The following DPYSL5 variants were observed in gnomAD, a reference collection of about 807,000 sequenced individuals.
The protein encoded by DPYSL5 is dihydropyrimidinase-related protein 5.
DPYSL5 carries 9 observed loss-of-function variants against 58.4 expected under a neutral mutation model. That is an observed-to-expected ratio of 0.15 (90% CI 0.09 to 0.27). DPYSL5 has a LOEUF of 0.27. Among genes scored for constraint, DPYSL5 ranks in the 10% least tolerant of loss-of-function variants. DPYSL5 has a pLI of 1.00. For synonymous variants in DPYSL5, 293 were observed against 301.9 expected (o/e 0.97, Z 0.31); for missense variants, 499 against 770.6 (o/e 0.65, Z 4.17).
chr2:26,942,771 T>G lies in DPYSL5; in HGVS notation c.1440+21T>G. On this transcript the variant is annotated intron_variant, in intron 11 of 12. Transcript: ENST00000288699. This position sits in a 1 kb window ranked among gnomAD's most constrained non-coding sequence, Gnocchi z 5.9. ...AGAAGGTGAGGTGGGAGGAGGAAGA[T>G]GCAGGGGTGTTGGCGCCCCCTGCCG... is the stretch of plus-strand genomic sequence containing the variant. The G allele has an allele frequency of 6.2e-7, 1 of 1,607,912 alleles. No individual in the cohort carries two copies. The highest frequency in any genetic ancestry group is 8.5e-7 in the Non-Finnish European group (1 of 1,175,170).
chr2:26,940,280 G>A, intron 9 of DPYSL5, 108 bp downstream of exon 9: 2 of 1,348,748 alleles, frequency 1.5e-6, no homozygotes, highest in Admixed American at 2.3e-5. Context: ...GTCAAAGAAT[G>A]TTCTTAGAAG....
chr2:26,885,634 A>C lies in DPYSL5; in HGVS notation c.-4-12862A>C, dbSNP rs577123467. Reference sequence around the variant, plus strand: ...GGAAATATGTTTGTGGCTGTGGACAAGGACCCAGGGTGTCTCATGGTGGAT... The same window carrying C: ...GGAAATATGTTTGTGGCTGTGGACACGGACCCAGGGTGTCTCATGGTGGAT... On this transcript the variant is annotated intron_variant, in intron 1 of 12. Coordinates refer to ENST00000288699, the MANE Select transcript of DPYSL5 (RefSeq NM_020134.4). Among the ~76,000 whole-genome samples, 77 of 152,314 alleles carry C rather than the reference A, an allele frequency of 5.1e-4. 3 individuals carry two copies. The South Asian group carries it at 0.016, about 31-fold the overall frequency.
chr2:26,895,625 A>T (rs1572693545), intron 1 of DPYSL5, among the ~76,000 whole-genome samples: 1 of 152,252 alleles, frequency 6.6e-6, no homozygotes, highest in Admixed American at 6.5e-5. Context: ...ATACAATGTT[A>T]TTATTAACTA....
intron 1 of DPYSL5, among the ~76,000 whole-genome samples, chr2:26,882,720 G>T (rs930133029): frequency 6.6e-6 from 1 of 152,056 alleles, no homozygotes; most frequent in Non-Finnish European, 1.5e-5. Flanking sequence ...GGGCAACATG[G>T]TGAAACCCCA....
intron 5 of DPYSL5, among the ~76,000 whole-genome samples, chr2:26,931,203 G>GTGTATGTATATA (rs1474347605): frequency 2.2e-5 from 1 of 44,910 alleles, no homozygotes; most frequent in African/African-American, 8.1e-5. Context: ...GTGTGTGTGT[G>GTGTATGTATATA]TATATATATA....
Position 26,927,463 on chromosome 2 carries a change from G to A in DPYSL5, c.600+31G>A, listed in dbSNP as rs745939505. The A allele has an allele frequency of 1.1e-5, 18 of 1,609,010 alleles. No individual in the cohort carries two copies. Among genetic ancestry groups the A allele is most frequent in the Non-Finnish European group, 7.6e-6 (9 of 1,177,474 alleles). On this transcript the variant is annotated intron_variant, in intron 4 of 12. Coordinates refer to ENST00000288699, the MANE Select transcript of DPYSL5 (RefSeq NM_020134.4). This position sits in a 1 kb window ranked among gnomAD's most constrained non-coding sequence, Gnocchi z 4.3. ...TCTGCAGCCAAGAATATTGGATGGA[G>A]GGACACCAGTGGAGACAGTTAGTTC...
At position 26,892,203 on chromosome 2, in the gene DPYSL5, T is replaced by C. The variant is rs115010375; in HGVS notation, c.-4-6293T>C. 3.5e-3 allele frequency among the ~76,000 whole-genome samples: 540 copies of C among 152,338 alleles called. 2 individuals are homozygous for C. Among genetic ancestry groups the C allele is most frequent in the African/African-American group, 0.012 (515 of 41,562 alleles). On this transcript the variant is annotated intron_variant, in intron 1 of 12. Coordinates refer to ENST00000288699, the MANE Select transcript of DPYSL5 (RefSeq NM_020134.4). ...TGTTATTTTCAAAACCTCTGTTTAT[T>C]CCTTAAAGTGAGGCTAACACTTCCT... is the stretch of plus-strand genomic sequence containing the variant.
chr2:26,891,630 TCACGTTGGATTCCTTCTGG>T (rs1663882252), intron 1 of DPYSL5, among the ~76,000 whole-genome samples: 1 of 152,070 alleles, frequency 6.6e-6, no homozygotes, highest in South Asian at 2.1e-4. Context: ...GAATGAAGGG[TCACGTTGGATTCCTTCTGG>T]CTTCTTTTTA....
chr2:26,887,351 G>T (rs1328924578), intron 1 of DPYSL5, among the ~76,000 whole-genome samples: 1 of 152,132 alleles, frequency 6.6e-6, no homozygotes, highest in Non-Finnish European at 1.5e-5. Context: ...AGCTCCAGAG[G>T]CCCCCAGCAT....
rs1664991417 is a variant in DPYSL5, at chr2:26,931,657, T to G, written c.687T>G (p.Thr229=). The G allele has an allele frequency of 3.7e-6, 6 of 1,613,998 alleles. No individual in the cohort carries two copies. The highest frequency in any genetic ancestry group is 5.1e-6 in the Non-Finnish European group (6 of 1,179,938). The change falls in exon 6 of 13, where the codon ACT becomes ACG. Residue 229 remains threonine (T), a synonymous_variant. Transcript: ENST00000288699. ...TCTAACAGCTGGAAGCTGAAGCCAC[T>G]CATCGTGTTATCACCATTGCAAACA... ...SRPEELEAEA[T]HRVITIANRT...
rs373034710 is a variant in DPYSL5, at chr2:26,931,203, GTATATATATATATA to G, written c.670-423_670-410del. The stretch of plus-strand genomic sequence containing the variant: ...TGTGTGTGTGTGTGTGTGTGTGTGT[GTATATATATATATA>G]TATATATATATATGAATTATACAAC... On this transcript the variant is annotated intron_variant, in intron 5 of 12. Transcript: ENST00000288699. 2.4e-4 allele frequency among the ~76,000 whole-genome samples: 11 copies of G among 44,910 alleles called. 1 individual carries two copies. The highest frequency in any genetic ancestry group is 2.5e-3 in the South Asian group (2 of 794). 29.5% of individuals were successfully genotyped at this position (44,910 alleles called of 152,430 possible). A position where few individuals can be genotyped will look rare whatever the true frequency, so the allele number is the denominator to read the frequency against.
intron 12 of DPYSL5, among the ~76,000 whole-genome samples, chr2:26,945,542 CG>C (rs1665455587): frequency 6.7e-6 from 1 of 149,908 alleles, no homozygotes; most frequent in Admixed American, 6.7e-5. Flanking sequence ...ATGCGAGCCA[CG>C]GGCTCATAAA....
chr2:26,897,512 AT>A (rs1347271246), intron 1 of DPYSL5, among the ~76,000 whole-genome samples: 1 of 152,188 alleles, frequency 6.6e-6, no homozygotes, highest in Non-Finnish European at 1.5e-5. Context: ...AATAAACCCC[AT>A]TTGTGTGGTG....
chr2:26,947,668 G>T lies in DPYSL5; in HGVS notation c.*673G>T, dbSNP rs545002389. The T allele has an allele frequency of 1.3e-5, 2 of 152,952 alleles. No homozygotes were observed. 9.5% of individuals were successfully genotyped at this position (152,952 alleles called of 1,614,324 possible). On this transcript the variant is annotated 3_prime_UTR_variant, in exon 13 of 13. Coordinates refer to ENST00000288699, the MANE Select transcript of DPYSL5 (RefSeq NM_020134.4). The surrounding 1 kb of genome is among the most constrained non-coding windows in gnomAD (Gnocchi z 4.2). ...AGGCTGGTGCCAGGCGCGTGTAAATGGTTTTGTTTTGCACGTTTGGTTTGC... is the reference window on the plus strand; with the variant it reads ...AGGCTGGTGCCAGGCGCGTGTAAATTGTTTTGTTTTGCACGTTTGGTTTGC...
intron 2 of DPYSL5, among the ~76,000 whole-genome samples, chr2:26,909,939 C>T (rs1234908037): frequency 6.6e-6 from 1 of 152,102 alleles, no homozygotes; most frequent in Non-Finnish European, 1.5e-5. Context: ...TACATTTTGA[C>T]ATATACATAC....
chr2:26,862,300 TC>T (rs1380134740), intron 1 of DPYSL5, among the ~76,000 whole-genome samples: 1 of 152,272 alleles, frequency 6.6e-6, no homozygotes. Flanking sequence ...AAGTTGGTTA[TC>T]AATGAATATG....
At chr2:26,901,989 C>A (rs967139646) in intron 2 of DPYSL5, among the ~76,000 whole-genome samples, 1 of 151,548 alleles carries the variant, frequency 6.6e-6, no homozygotes, top group Non-Finnish European at 1.5e-5. Context: ...GGCTCCCCTG[C>A]TCACAGCCTG....
In DPYSL5 at chr2:26,934,467, C is replaced by T. The variant is rs1048883432; in HGVS notation, c.791-111C>T. ...AAAAGCCCTGTGAGCTTGGGCAGGT[C>T]CCTTCCTGTCTCTGACCTCAGCTCC... On this transcript the variant is annotated intron_variant, in intron 7 of 12. Coordinates refer to ENST00000288699, the MANE Select transcript of DPYSL5 (RefSeq NM_020134.4). This position sits in a 1 kb window ranked among gnomAD's most constrained non-coding sequence, Gnocchi z 4.3. The T allele has an allele frequency of 1.4e-5, 19 of 1,332,340 alleles. No homozygotes were observed. In the Admixed American group the frequency reaches 2.6e-4, roughly 18 times the overall value. 82.5% of individuals were successfully genotyped at this position (1,332,340 alleles called of 1,614,324 possible). A position where few individuals can be genotyped will look rare whatever the true frequency, so the allele number is the denominator to read the frequency against.
intron 1 of DPYSL5, among the ~76,000 whole-genome samples, chr2:26,861,133 G>A (rs1666000852): frequency 6.6e-6 from 1 of 152,190 alleles, no homozygotes. Context: ...TAAGACACAA[G>A]CATACAGAGT....
Sources: gnomAD v4.1 joint callset for allele counts (sites outside exome capture counted in the v4.1 genomes callset) on GRCh38, gnomAD v4.1.1 for gene constraint, Gnocchi (gnomAD v3.1) non-coding constraint, MANE v1.5 for transcripts, NCBI Gene and HGNC (gene_info 2026-07-23, HGNC 2026-07-21) for gene names.